The following MTUS2 variants were observed in gnomAD, a reference collection of about 807,000 sequenced individuals.
MTUS2 encodes the protein microtubule associated scaffold protein 2, also known as microtubule-associated tumor suppressor candidate 2.
A neutral mutation model predicts 114.1 loss-of-function variants in MTUS2; 40 were observed. That is an observed-to-expected ratio of 0.35 (90% CI 0.27 to 0.46). The LOEUF is 0.46. MTUS2 is among the 20% of genes least tolerant of loss of function. The pLI is 1.00. For synonymous variants in MTUS2, 688 were observed against 672.0 expected (o/e 1.02, Z -0.37); for missense variants, 1,679 against 1,705.4 (o/e 0.98, Z 0.27).
chr13:29,211,541 T>G (rs1895438539), intron 5 of MTUS2, among the ~76,000 whole-genome samples: 1 of 152,186 alleles, frequency 6.6e-6, no homozygotes, highest in Non-Finnish European at 1.5e-5. Flanking sequence ...CTTTCCCCAG[T>G]TCCTCTGGCA....
At chr13:29,353,215 C>A (rs182462081) in intron 7 of MTUS2, among the ~76,000 whole-genome samples, 1 of 152,234 alleles carries the variant, frequency 6.6e-6, no homozygotes, top group African/African-American at 2.4e-5. Context: ...ACTCTGTTGA[C>A]CATCACTTCA....
At chr13:29,442,609 A>G (rs1877967722) in intron 9 of MTUS2, among the ~76,000 whole-genome samples, 1 of 152,232 alleles carries the variant, frequency 6.6e-6, no homozygotes, top group Admixed American at 6.5e-5. Flanking sequence ...AGCTAATGTC[A>G]AAACTCTGAA....
At chr13:29,287,961 C>T (rs555115252) in intron 6 of MTUS2, among the ~76,000 whole-genome samples, 20 of 152,288 alleles carry the variant, frequency 1.3e-4, no homozygotes, top group African/African-American at 3.4e-4. Flanking sequence ...TACAGCCTGA[C>T]GTGTCAGTCC....
At chr13:28,991,520 C>T (rs1466190520) in intron 2 of MTUS2, among the ~76,000 whole-genome samples, 1 of 152,100 alleles carries the variant, frequency 6.6e-6, no homozygotes, top group East Asian at 1.9e-4. Flanking sequence ...AGGTGCCCAC[C>T]ACCACGCCTA....
intron 5 of MTUS2, among the ~76,000 whole-genome samples, chr13:29,121,003 T>G (rs1202387241): frequency 6.6e-6 from 1 of 152,256 alleles, no homozygotes; most frequent in Non-Finnish European, 1.5e-5. Flanking sequence ...AGCACTCCCC[T>G]AACAAAGTGT....
At chr13:29,445,235 G>A (rs4616138) in intron 9 of MTUS2, among the ~76,000 whole-genome samples, 12,617 of 152,160 alleles carry the variant, frequency 0.083, 707 homozygotes, top group African/African-American at 0.16. Context: ...TCTGATGCCC[G>A]GGGTGTGGAG....
At chr13:29,485,220 T>G (rs1294024084) in intron 10 of MTUS2, 1 of 152,684 alleles carries the variant, frequency 6.5e-6, no homozygotes, top group African/African-American at 2.4e-5. Context: ...TGGGTCAGCT[T>G]GTTTAAATCT....
At chr13:28,920,302 G>C (rs1472625296) in intron 2 of MTUS2, among the ~76,000 whole-genome samples, 2 of 152,172 alleles carry the variant, frequency 1.3e-5, no homozygotes, top group East Asian at 3.9e-4. Flanking sequence ...ATAACACTGT[G>C]GTTCTTGCAG....
chr13:29,495,077 G>A (rs2802242), intron 12 of MTUS2, among the ~76,000 whole-genome samples: 82,521 of 150,706 alleles, frequency 0.55, 24,255 homozygotes, highest in Non-Finnish European at 0.67. Context: ...CCAGCTACTC[G>A]GGAGGCTGAG....
At chr13:29,348,602 A>G (rs1323254934) in intron 7 of MTUS2, among the ~76,000 whole-genome samples, 1 of 152,234 alleles carries the variant, frequency 6.6e-6, no homozygotes, top group East Asian at 1.9e-4. Flanking sequence ...CAAGTATTCT[A>G]TACCCTTACT....
chr13:28,894,656 A>AT (rs1364037438), intron 2 of MTUS2, among the ~76,000 whole-genome samples: 3 of 152,234 alleles, frequency 2.0e-5, no homozygotes, highest in Non-Finnish European at 4.4e-5. Flanking sequence ...TAGAAATGCT[A>AT]TACCATTCCT....
chr13:29,071,218 T>C (rs1345516030), intron 4 of MTUS2, among the ~76,000 whole-genome samples: 1 of 151,488 alleles, frequency 6.6e-6, no homozygotes, highest in African/African-American at 2.4e-5. Flanking sequence ...GTCAGGCTGG[T>C]CTCCAACTCC....
chr13:29,438,912 G>A (rs886113099), intron 8 of MTUS2, among the ~76,000 whole-genome samples: 7 of 152,074 alleles, frequency 4.6e-5, no homozygotes, highest in Admixed American at 1.3e-4. Context: ...TGTTCCCTGC[G>A]TCTAAAAACA....
intron 5 of MTUS2, among the ~76,000 whole-genome samples, chr13:29,102,707 A>G (rs1890472194): frequency 6.6e-6 from 1 of 152,222 alleles, no homozygotes. Context: ...TCACCAATAA[A>G]TCACAGAAAA....
At chr13:29,039,568 C>T (rs1887255357) in intron 4 of MTUS2, among the ~76,000 whole-genome samples, 1 of 152,322 alleles carries the variant, frequency 6.6e-6, no homozygotes, top group Non-Finnish European at 1.5e-5. Context: ...TGGCTCTGGG[C>T]AGAGGGGGCC....
At chr13:29,437,567 C>A (rs1877504865) in intron 8 of MTUS2, among the ~76,000 whole-genome samples, 1 of 152,166 alleles carries the variant, frequency 6.6e-6, no homozygotes, top group Non-Finnish European at 1.5e-5. Flanking sequence ...CTGATTAGAA[C>A]ATGTTCCCTG....
intron 4 of MTUS2, among the ~76,000 whole-genome samples, chr13:29,077,573 C>G (rs988176698): frequency 1.3e-5 from 2 of 152,190 alleles, no homozygotes; most frequent in Non-Finnish European, 2.9e-5. Flanking sequence ...ACTCTCACCT[C>G]TATTCCGGTC....
At chr13:29,115,760 T>C (rs1024642457) in intron 5 of MTUS2, among the ~76,000 whole-genome samples, 7 of 152,228 alleles carry the variant, frequency 4.6e-5, no homozygotes, top group Middle Eastern at 3.2e-3. Context: ...TAAAACTAAC[T>C]GGCTGGGTGG....
At chr13:29,355,406 A>G (rs914320878) in intron 7 of MTUS2, among the ~76,000 whole-genome samples, 11 of 152,230 alleles carry the variant, frequency 7.2e-5, no homozygotes, top group African/African-American at 1.9e-4. Context: ...TTGGGGTAAC[A>G]TTTAGATGGC....
Sources: gnomAD v4.1 joint callset for allele counts (sites outside exome capture counted in the v4.1 genomes callset) on GRCh38, gnomAD v4.1.1 for gene constraint, MANE v1.5 for transcripts, NCBI Gene and HGNC (gene_info 2026-07-23, HGNC 2026-07-21) for gene names.